Variants in PPP6R1 observed in about 807,000 individuals in gnomAD.
PPP6R1 encodes the protein protein phosphatase 6 regulatory subunit 1.
PPP6R1 carries 39 observed loss-of-function variants against 104.6 expected under a neutral mutation model. That is an observed-to-expected ratio of 0.37 (90% CI 0.29 to 0.49). The LOEUF is 0.49. Among genes scored for constraint, PPP6R1 ranks in the 20% least tolerant of loss-of-function variants. The probability of loss-of-function intolerance (pLI) is 0.98; values close to 1 mark genes in which losing one functional copy is unlikely to be tolerated. For synonymous variants in PPP6R1, 549 were observed against 479.0 expected, an observed-to-expected ratio of 1.15 and a Z score of -1.91; for missense variants, 1,181 against 1,155.8, an observed-to-expected ratio of 1.02 and a Z score of -0.32.
intron 17 of PPP6R1, chr19:55,236,297 G>T: frequency 4.5e-6 from 1 of 224,016 alleles, no homozygotes; most frequent in Non-Finnish European, 8.8e-6. Context: ...CAGGACTACA[G>T]GTGCACACCA....
rs905133953 is a variant in PPP6R1, at chr19:55,230,631, G to A, written c.2624C>T (p.Pro875Leu). The change falls in exon 23 of 24, where the codon CCT becomes CTT. Residue 875 changes from proline to leucine, a missense_variant. By Grantham distance (98) the Pro-to-Leu change is moderately conservative. Coordinates refer to ENST00000412770, the MANE Select transcript of PPP6R1 (RefSeq NM_014931.4). ...CACTCACTGGGAGCCTGGGGATGCA[G>A]GCCCTTCCGGGGCAGAGCCATTGGG... is the stretch of plus-strand genomic sequence containing the variant. The part of the protein sequence containing the change: ...PIPNGSAPEG[P>L]ASPGSQ 2 of 1,611,274 alleles carry A rather than the reference G, an allele frequency of 1.2e-6. No individual in the cohort carries two copies. Among genetic ancestry groups the A allele is most frequent in the Admixed American group, 1.7e-5 (1 of 59,674 alleles).
Position 55,230,229 on chromosome 19 carries a change from T to C in PPP6R1, c.*299A>G. ...CCCAGTTCGGTGTCCTCACTCTCTC[T>C]CGCTCTCCTCCCTCTCTCTATATAA... On this transcript the variant is annotated 3_prime_UTR_variant, in exon 24 of 24. Transcript: ENST00000412770. 2.3e-6 allele frequency: 1 copy of C among 428,936 alleles called. No individual in the cohort carries two copies. Among genetic ancestry groups the C allele is most frequent in the Non-Finnish European group, 4.2e-6 (1 of 237,580 alleles). 26.6% of individuals were successfully genotyped at this position (428,936 alleles called of 1,614,324 possible). A position where few individuals can be genotyped will look rare whatever the true frequency, so the allele number is the denominator to read the frequency against.
chr19:55,236,239 CT>C (rs1332076936), intron 17 of PPP6R1: 2 of 174,684 alleles, frequency 1.1e-5, no homozygotes, highest in African/African-American at 2.4e-5. Flanking sequence ...ACTGCAACCT[CT>C]GCCTCCCTGG....
At chr19:55,248,925 G>A (rs559910002) in intron 1 of PPP6R1, among the ~76,000 whole-genome samples, 2 of 152,308 alleles carry the variant, frequency 1.3e-5, no homozygotes, top group South Asian at 2.1e-4. Context: ...CATCCACCCT[G>A]ACCACCCTAA....
In PPP6R1 at chr19:55,256,441, T is replaced by G. The variant is rs1286503680; in HGVS notation, c.-7+1994A>C. Among the ~76,000 whole-genome samples, 5 of 152,362 alleles carry G rather than the reference T, an allele frequency of 3.3e-5. No homozygotes were observed. In the East Asian group the frequency reaches 5.8e-4, roughly 18 times the overall value. On this transcript the variant is annotated intron_variant, in intron 1 of 23. Coordinates refer to ENST00000412770, the MANE Select transcript of PPP6R1 (RefSeq NM_014931.4). ...TAACAACCAAAAACATCTCCAGATA[T>G]CGCCAATCGTCCCCCAGGGGACACA...
At chr19:55,249,507 T>C (rs758717562) in intron 1 of PPP6R1, among the ~76,000 whole-genome samples, 5 of 152,078 alleles carry the variant, frequency 3.3e-5, no homozygotes, top group Admixed American at 6.5e-5. Context: ...TCTCAAAGTG[T>C]TGGGATTACA....
intron 10 of PPP6R1, 85 bp from the exon 11 acceptor site, chr19:55,240,385 C>G: frequency 7.4e-7 from 1 of 1,344,368 alleles, no homozygotes; most frequent in Admixed American, 2.0e-5. Context: ...GTCCCTTCCT[C>G]AGCAGATGCT....
At chr19:55,244,695 G>A (rs938154607) in intron 5 of PPP6R1, among the ~76,000 whole-genome samples, 2 of 152,140 alleles carry the variant, frequency 1.3e-5, no homozygotes, top group Admixed American at 1.3e-4. Context: ...TTCTCAAAGG[G>A]CATGGATACA....
intron 17 of PPP6R1, among the ~76,000 whole-genome samples, chr19:55,235,742 T>A (rs2087391859): frequency 6.6e-6 from 1 of 151,612 alleles, no homozygotes; most frequent in Non-Finnish European, 1.5e-5. Flanking sequence ...ATGGTCTTGA[T>A]CTCCTGACCT....
chr19:55,228,834 G>T, downstream of PPP6R1: 1 of 1,317,860 alleles, frequency 7.6e-7, no homozygotes. Context: ...AACCCAAGGA[G>T]CGTCCTGTGG....
intron 1 of PPP6R1, among the ~76,000 whole-genome samples, 161 bp downstream of exon 1, chr19:55,258,274 G>A (rs1329087182): frequency 6.6e-6 from 1 of 152,178 alleles, no homozygotes; most frequent in Non-Finnish European, 1.5e-5. Context: ...GGGAAGAAAC[G>A]GGGTGCCGTG....
chr19:55,234,769 CA>C (rs1219331961), intron 17 of PPP6R1, among the ~76,000 whole-genome samples: 1 of 152,196 alleles, frequency 6.6e-6, no homozygotes, highest in African/African-American at 2.4e-5. Context: ...GCACGAGAGC[CA>C]GGGGCACCCA....
chr19:55,235,905 C>T (rs2087394720), intron 17 of PPP6R1, among the ~76,000 whole-genome samples: 2 of 138,726 alleles, frequency 1.4e-5, no homozygotes. Context: ...GTGGTGCGAT[C>T]TCAACTCACT....
chr19:55,242,283 C>CG lies in PPP6R1; in HGVS notation c.732-5dup. On this transcript the variant is annotated splice_region_variant and splice_polypyrimidine_tract_variant and intron_variant, in intron 6 of 23. Coordinates refer to ENST00000412770, the MANE Select transcript of PPP6R1 (RefSeq NM_014931.4). ...GAGCTGCTCAATCGTCTCCTGCCTGCGGGGGCAGGGGCAGGGGTCAGGGTG... is the reference window on the plus strand; with the variant it reads ...GAGCTGCTCAATCGTCTCCTGCCTGCGGGGGGCAGGGGCAGGGGTCAGGGTG... The CG allele has an allele frequency of 6.2e-7, 1 of 1,613,690 alleles. No individual in the cohort carries two copies. Among genetic ancestry groups the CG allele is most frequent in the Non-Finnish European group, 8.5e-7 (1 of 1,179,716 alleles).
chr19:55,239,976 C>T, intron 12 of PPP6R1, 23 bp downstream of exon 12: 1 of 1,609,728 alleles, frequency 6.2e-7, no homozygotes. Context: ...ACCTAGCCCT[C>T]AGGCCGGCCT....
chr19:55,252,574 G>GT (rs1327931414), intron 1 of PPP6R1, among the ~76,000 whole-genome samples: 12 of 152,116 alleles, frequency 7.9e-5, no homozygotes, highest in African/African-American at 2.4e-4. Flanking sequence ...TTTTGTGTGT[G>GT]TTTTTTTAGT....
At chr19:55,229,118 C>T (rs568203385), downstream of PPP6R1, 4 of 226,242 alleles carry the variant, frequency 1.8e-5, no homozygotes, top group Admixed American at 4.6e-5. Flanking sequence ...GCAGGAGTGC[C>T]CCTGGAGGGA....
At chr19:55,244,900 C>T (rs1456227641) in intron 5 of PPP6R1, among the ~76,000 whole-genome samples, 2 of 152,092 alleles carry the variant, frequency 1.3e-5, no homozygotes, top group African/African-American at 4.8e-5. Context: ...TGCAACACCA[C>T]ACTCAGCTAA....
intron 21 of PPP6R1, 100 bp from the exon 22 acceptor site, chr19:55,230,984 G>T (rs769535636): frequency 9.8e-7 from 1 of 1,022,708 alleles, no homozygotes; most frequent in Non-Finnish European, 1.5e-6. Flanking sequence ...CTGGGTGTGT[G>T]TCTGCCACCT....
Sources: gnomAD v4.1 joint callset for allele counts (sites outside exome capture counted in the v4.1 genomes callset) on GRCh38, gnomAD v4.1.1 for gene constraint, MANE v1.5 for transcripts, NCBI Gene and HGNC (gene_info 2026-07-23, HGNC 2026-07-21) for gene names.